The following RIN3 variants were observed in gnomAD, a reference collection of about 807,000 sequenced individuals.
RIN3 encodes the protein RAB5 interacting protein 3.
RIN3 carries 54 observed loss-of-function variants against 76.3 expected under a neutral mutation model. That is an observed-to-expected ratio of 0.71 (90% confidence interval 0.57 to 0.89). RIN3 has a LOEUF of 0.89. RIN3 is among the 40% of genes least tolerant of loss of function. The pLI is 0.00. For synonymous variants in RIN3, 576 were observed against 564.0 expected (o/e 1.02, Z -0.30); for missense variants, 1,256 against 1,322.1 (o/e 0.95, Z 0.78).
At chr14:92,677,488 G>A (rs1888509499) in intron 8 of RIN3, among the ~76,000 whole-genome samples, 1 of 152,198 alleles carries the variant, frequency 6.6e-6, no homozygotes, top group South Asian at 2.1e-4. Context: ...GCATGTTCCA[G>A]TCTCTGGGGT....
intron 7 of RIN3, among the ~76,000 whole-genome samples, chr14:92,676,222 G>C (rs988556767): frequency 7.2e-5 from 11 of 151,922 alleles, no homozygotes; most frequent in Non-Finnish European, 1.6e-4. Flanking sequence ...AGGGGAAGGG[G>C]TCAGGGTCTT....
At chr14:92,532,438 C>T (rs937942874) in intron 1 of RIN3, among the ~76,000 whole-genome samples, 1 of 152,146 alleles carries the variant, frequency 6.6e-6, no homozygotes, top group Non-Finnish European at 1.5e-5. Flanking sequence ...CCTTCTGGTC[C>T]TCACAACTAA....
At chr14:92,658,668 A>G (rs2140149978) in intron 6 of RIN3, among the ~76,000 whole-genome samples, 1 of 152,304 alleles carries the variant, frequency 6.6e-6, no homozygotes, top group Non-Finnish European at 1.5e-5. Flanking sequence ...GGTAGTAGCC[A>G]CAGAAGTGAT....
At chr14:92,665,649 G>A (rs1169632691) in intron 7 of RIN3, among the ~76,000 whole-genome samples, 2 of 151,996 alleles carry the variant, frequency 1.3e-5, no homozygotes, top group African/African-American at 4.8e-5. Context: ...TCAAAGTGCT[G>A]GGATTACAAG....
At chr14:92,552,074 G>C (rs1343847648) in intron 1 of RIN3, among the ~76,000 whole-genome samples, 3 of 152,202 alleles carry the variant, frequency 2.0e-5, no homozygotes, top group Admixed American at 1.3e-4. Context: ...CCCTTTGTAG[G>C]GGGTGTCTGG....
chr14:92,518,797 G>GTGTGTGTGTGTGTA (rs1366311087), intron 1 of RIN3, among the ~76,000 whole-genome samples: 1 of 149,528 alleles, frequency 6.7e-6, no homozygotes, highest in Non-Finnish European at 1.5e-5. Context: ...GCCTGTGTGT[G>GTGTGTGTGTGTGTA]TGTGTGTGTG....
chr14:92,529,539 C>T (rs780157072), intron 1 of RIN3, among the ~76,000 whole-genome samples: 4 of 150,998 alleles, frequency 2.6e-5, no homozygotes, highest in Non-Finnish European at 5.9e-5. Context: ...TGAGCCACCG[C>T]ACCCAGCCCA....
intron 3 of RIN3, among the ~76,000 whole-genome samples, chr14:92,583,810 G>A (rs1263411341): frequency 6.6e-6 from 1 of 152,158 alleles, no homozygotes; most frequent in Non-Finnish European, 1.5e-5. Flanking sequence ...CAGATGGGAT[G>A]GGGGATGGTT....
intron 9 of RIN3, 110 bp from the exon 10 acceptor site, chr14:92,687,816 C>G: frequency 4.0e-6 from 4 of 1,001,130 alleles, no homozygotes; most frequent in Admixed American, 3.4e-5. Context: ...GACTCGCAGA[C>G]AGCTTGGCGC....
intron 1 of RIN3, among the ~76,000 whole-genome samples, chr14:92,545,119 T>C (rs1897229639): frequency 6.9e-6 from 1 of 144,174 alleles, no homozygotes; most frequent in African/African-American, 2.6e-5. Context: ...TTTTTTTTTT[T>C]TTTTTTTTGA....
At chr14:92,577,846 C>G (rs978773722) in intron 3 of RIN3, among the ~76,000 whole-genome samples, 14 of 152,210 alleles carry the variant, frequency 9.2e-5, no homozygotes, top group Admixed American at 4.6e-4. Context: ...TGATTGCAGA[C>G]AAGTCACTTA....
intron 4 of RIN3, among the ~76,000 whole-genome samples, chr14:92,637,840 A>T (rs1019300623): frequency 2.0e-5 from 3 of 152,170 alleles, no homozygotes; most frequent in Non-Finnish European, 4.4e-5. Context: ...ATCAAATTTT[A>T]TATTGGTATA....
At chr14:92,528,347 G>A (rs990291637) in intron 1 of RIN3, among the ~76,000 whole-genome samples, 1 of 152,228 alleles carries the variant, frequency 6.6e-6, no homozygotes, top group Non-Finnish European at 1.5e-5. Flanking sequence ...AGGGCTGTGA[G>A]CCCTGGAGTA....
At chr14:92,541,914 A>C (rs1293709367) in intron 1 of RIN3, among the ~76,000 whole-genome samples, 4 of 152,268 alleles carry the variant, frequency 2.6e-5, no homozygotes, top group Admixed American at 1.3e-4. Flanking sequence ...GAATATATTA[A>C]AAATTTACAA....
chr14:92,628,405 G>C (rs1886433892), intron 4 of RIN3, among the ~76,000 whole-genome samples: 1 of 152,196 alleles, frequency 6.6e-6, no homozygotes. Flanking sequence ...CATCCCCTTT[G>C]GGGAGGTTGA....
At chr14:92,540,537 C>A (rs898575340) in intron 1 of RIN3, among the ~76,000 whole-genome samples, 5 of 152,200 alleles carry the variant, frequency 3.3e-5, no homozygotes, top group African/African-American at 1.2e-4. Flanking sequence ...TGTGAGAGAT[C>A]CTAGTTCTGA....
rs1160475851 is a variant in RIN3, at chr14:92,681,404, C to T, written c.2468-3583C>T. Among the ~76,000 whole-genome samples the T allele has an allele frequency of 6.6e-6, 1 of 152,238 alleles. No individual in the cohort carries two copies. Among genetic ancestry groups the T allele is most frequent in the Non-Finnish European group, 1.5e-5 (1 of 68,038 alleles). On this transcript the variant is annotated intron_variant, in intron 8 of 9. Transcript: ENST00000216487. This position sits in a 1 kb window ranked among gnomAD's most constrained non-coding sequence, Gnocchi z 4.7. ...GCGAGGGTGAGACACCCCCAGAGCACCTCCCTGAGGCCTCATAGCCACCAT... is the reference window on the plus strand; with the variant it reads ...GCGAGGGTGAGACACCCCCAGAGCATCTCCCTGAGGCCTCATAGCCACCAT...
intron 3 of RIN3, among the ~76,000 whole-genome samples, chr14:92,612,774 G>A (rs933819111): frequency 3.3e-5 from 5 of 152,262 alleles, no homozygotes; most frequent in African/African-American, 1.2e-4. Context: ...CATTACTTAT[G>A]ATTTTACAAA....
rs79434183 is a variant in RIN3 at position 92,520,797 on chromosome 14, C to A, written c.44+6821C>A. Among the ~76,000 whole-genome samples the A allele has an allele frequency of 1.4e-4, 22 of 152,284 alleles. 1 individual carries two copies. In the East Asian group the frequency reaches 4.2e-3, roughly 29 times the overall value. On this transcript the variant is annotated intron_variant, in intron 1 of 9. Coordinates refer to ENST00000216487, the MANE Select transcript of RIN3 (RefSeq NM_024832.5). ...TCTCTGGCTACAGGGAACAAGCTGT[C>A]AAGAAAGAGTCACCGGGGACCTTTT...
Sources: allele counts gnomAD v4.1 joint callset (sites outside exome capture counted in the v4.1 genomes callset), GRCh38; gene constraint gnomAD v4.1.1; non-coding constraint Gnocchi (gnomAD v3.1); transcripts MANE v1.5; gene names NCBI Gene and HGNC (gene_info 2026-07-23, HGNC 2026-07-21).